ACOT12: variants seen among roughly 807,000 people sequenced by gnomAD.
ACOT12 encodes the protein acetyl-coenzyme A thioesterase.
A neutral mutation model predicts 67.7 loss-of-function variants in ACOT12; 51 were observed. That is an observed-to-expected ratio of 0.75 (90% confidence interval 0.60 to 0.95). The LOEUF (loss-of-function observed/expected upper bound fraction) is 0.95. Ranked by LOEUF, ACOT12 falls within the 40% of genes least tolerant of loss-of-function variation. ACOT12 has a pLI of 0.00. For synonymous variants in ACOT12, 251 were observed against 244.6 expected (o/e 1.03, Z -0.24); for missense variants, 734 against 708.1 (o/e 1.04, Z -0.41).
chr5:81,360,161 G>A, intron 4 of ACOT12, 123 bp from the exon 5 acceptor site: 2 of 934,332 alleles, frequency 2.1e-6, no homozygotes, highest in Admixed American at 3.4e-5. Context: ...GCTTTTATGA[G>A]TGTTTTCACT....
At chr5:81,335,725 T>C in intron 12 of ACOT12, 43 bp downstream of exon 12, 1 of 1,583,768 alleles carries the variant, frequency 6.3e-7, no homozygotes, top group Non-Finnish European at 8.6e-7. Context: ...TCTTTTACAT[T>C]ATGTCAAGGT....
intron 2 of ACOT12, among the ~76,000 whole-genome samples, chr5:81,384,902 T>C (rs1300965038): frequency 6.6e-6 from 1 of 152,208 alleles, no homozygotes; most frequent in Admixed American, 6.5e-5. Context: ...TCTCTTGTTT[T>C]ATAGGCTGGT....
chr5:81,342,902 C>T (rs1759245683), intron 10 of ACOT12, 147 bp from the exon 11 acceptor site: 1 of 835,104 alleles, frequency 1.2e-6, no homozygotes, highest in African/African-American at 1.7e-5. Flanking sequence ...AAACTACAGG[C>T]CAGGTGAAGT....
chr5:81,336,711 G>C (rs371511040), intron 11 of ACOT12, among the ~76,000 whole-genome samples: 12 of 152,282 alleles, frequency 7.9e-5, no homozygotes, highest in Admixed American at 4.6e-4. Context: ...TTTGAAGTTA[G>C]TGTTGAAATT....
chr5:81,365,029 T>C (rs1299129848), intron 3 of ACOT12, among the ~76,000 whole-genome samples: 3 of 152,234 alleles, frequency 2.0e-5, no homozygotes, highest in Non-Finnish European at 4.4e-5. Context: ...CACTTTATGT[T>C]GATACTAAAA....
chr5:81,321,241 G>T, the ACOT12 span, among the ~76,000 whole-genome samples: 1 of 152,134 alleles, frequency 6.6e-6, no homozygotes, highest in Admixed American at 6.5e-5. Flanking sequence ...GGATGACAGA[G>T]ACAGAGCAAG....
chr5:81,386,524 C>T (rs1013004739), intron 1 of ACOT12, among the ~76,000 whole-genome samples: 1 of 151,816 alleles, frequency 6.6e-6, no homozygotes, highest in Non-Finnish European at 1.5e-5. Flanking sequence ...GTTGGTTTTG[C>T]TTTACATAAA....
the ACOT12 span, among the ~76,000 whole-genome samples, chr5:81,311,690 T>G: frequency 6.6e-6 from 1 of 152,198 alleles, no homozygotes; most frequent in South Asian, 2.1e-4. Context: ...CCTAAAAGAT[T>G]CAGAGTTGAT....
chr5:81,338,685 G>T (rs921242995), intron 11 of ACOT12, among the ~76,000 whole-genome samples: 1 of 152,140 alleles, frequency 6.6e-6, no homozygotes, highest in Non-Finnish European at 1.5e-5. Flanking sequence ...TTCATTCTAC[G>T]AAATGAAGCT....
chr5:81,369,881 C>T (rs10042996), intron 3 of ACOT12, among the ~76,000 whole-genome samples: 42,053 of 152,084 alleles, frequency 0.28, 6,192 homozygotes, highest in African/African-American at 0.35. Flanking sequence ...GTTGAATAAA[C>T]GCTCCAGAAA....
chr5:81,351,841 T>C (rs1182814195), intron 5 of ACOT12, among the ~76,000 whole-genome samples: 1 of 152,112 alleles, frequency 6.6e-6, no homozygotes, highest in East Asian at 1.9e-4. Context: ...GAGAAAATAT[T>C]TGAAAGCTAT....
chr5:81,388,027 A>C (rs1184956937), intron 1 of ACOT12, among the ~76,000 whole-genome samples: 3 of 152,210 alleles, frequency 2.0e-5, no homozygotes, highest in African/African-American at 7.2e-5. Context: ...ATTATTGATC[A>C]GGCACTGGAC....
chr5:81,311,264 G>T, the ACOT12 span: 1 of 1,614,086 alleles, frequency 6.2e-7, no homozygotes, highest in Non-Finnish European at 8.5e-7. Context: ...AGATTGCCCT[G>T]AAAGTCAGAA....
At chr5:81,344,030 C>T (rs1263100710) in intron 9 of ACOT12, 130 bp downstream of exon 9, 9 of 1,251,616 alleles carry the variant, frequency 7.2e-6, no homozygotes, top group Non-Finnish European at 1.0e-5. Context: ...AGTAGTCAGC[C>T]TTTGCGGCCA....
chr5:81,335,162 T>C (rs1232631585), intron 12 of ACOT12, among the ~76,000 whole-genome samples: 1 of 152,194 alleles, frequency 6.6e-6, no homozygotes, highest in Non-Finnish European at 1.5e-5. Context: ...GGGTTCCAGT[T>C]TGGGTTCCAT....
intron 11 of ACOT12, among the ~76,000 whole-genome samples, chr5:81,337,295 G>A (rs761735173): frequency 6.6e-6 from 1 of 152,182 alleles, no homozygotes; most frequent in Non-Finnish European, 1.5e-5. Flanking sequence ...ATCTGCCCTT[G>A]GGGCAGCCAT....
intron 1 of ACOT12, among the ~76,000 whole-genome samples, chr5:81,391,487 T>A (rs1760864170): frequency 6.6e-6 from 1 of 152,252 alleles, no homozygotes; most frequent in Non-Finnish European, 1.5e-5. Context: ...AAGTCTCTTT[T>A]ATTTAGTGTT....
At chr5:81,314,667 TC>T in the ACOT12 span, among the ~76,000 whole-genome samples, 1 of 152,212 alleles carries the variant, frequency 6.6e-6, no homozygotes, top group Non-Finnish European at 1.5e-5. Flanking sequence ...TTCCTGTTAC[TC>T]TTATGCACTT....
intron 1 of ACOT12, among the ~76,000 whole-genome samples, chr5:81,386,274 G>A (rs186893313): frequency 1.9e-3 from 288 of 152,284 alleles, no homozygotes; most frequent in Non-Finnish European, 3.3e-3. Flanking sequence ...GAGCGGTATG[G>A]GAAACCCCGA....
Sources: gnomAD v4.1 joint callset for allele counts (sites outside exome capture counted in the v4.1 genomes callset) on GRCh38, gnomAD v4.1.1 for gene constraint, MANE v1.5 for transcripts, NCBI Gene and HGNC (gene_info 2026-07-23, HGNC 2026-07-21) for gene names.